Variants in RAPGEF1 observed in about 807,000 individuals in gnomAD.
RAPGEF1 encodes the protein Rap guanine nucleotide exchange factor 1, also known as CRK SH3-binding GNRP.
In RAPGEF1, 33 loss-of-function variants were observed where a neutral mutation model predicts 143.3. That is an observed-to-expected ratio of 0.23 (90% CI 0.17 to 0.31). The LOEUF is 0.31. Among genes scored for constraint, RAPGEF1 ranks in the 10% least tolerant of loss-of-function variants. RAPGEF1 has a pLI of 1.00. For missense variants in RAPGEF1, 1,199 were observed against 1,645.4 expected (o/e 0.73, Z 4.69); for synonymous variants, 629 against 676.5 (o/e 0.93, Z 1.09).
intron 1 of RAPGEF1, among the ~76,000 whole-genome samples, chr9:131,696,570 G>C (rs1025038098): frequency 6.6e-6 from 1 of 152,192 alleles, no homozygotes; most frequent in Non-Finnish European, 1.5e-5. Context: ...TCGGACTTTA[G>C]AATCTATCTC....
chr9:131,628,069 T>A lies in RAPGEF1; in HGVS notation c.1045A>T (p.Arg349Trp). 6.4e-7 allele frequency: 1 copy of A among 1,570,130 alleles called. No individual in the cohort carries two copies. The highest frequency in any genetic ancestry group is 8.6e-7 in the Non-Finnish European group (1 of 1,158,424). The change falls in exon 9 of 27, where the codon AGG (arginine) becomes TGG (tryptophan). Residue 349 changes from arginine to tryptophan, a missense_variant. Arg to Trp is a moderately radical substitution (Grantham distance 101). Transcript: ENST00000683357. This position sits in a 1 kb window ranked among gnomAD's most constrained non-coding sequence, Gnocchi z 5.7. ...GAGTGGCTGCCTCCTGACAGTCGCC[T>A]CTGTGCGTAACAGTCAACATCAAAA... is the stretch of plus-strand genomic sequence containing the variant. Reference protein sequence around the residue: ...QDFDVDCYAQRRLSGGSHSYG... With the variant: ...QDFDVDCYAQWRLSGGSHSYG...
At chr9:131,703,659 A>G (rs1201081600) in intron 1 of RAPGEF1, among the ~76,000 whole-genome samples, 4 of 152,218 alleles carry the variant, frequency 2.6e-5, no homozygotes, top group Non-Finnish European at 5.9e-5. Flanking sequence ...CCAGAGTTCT[A>G]AAGAAATTTT....
chr9:131,618,975 A>T, intron 12 of RAPGEF1, 76 bp downstream of exon 12: 2 of 1,246,130 alleles, frequency 1.6e-6, no homozygotes, highest in Non-Finnish European at 2.1e-6. Context: ...AGCAGAACAC[A>T]TGGCTGAGGC....
At chr9:131,689,706 T>C (rs1041300142) in intron 1 of RAPGEF1, among the ~76,000 whole-genome samples, 1 of 152,144 alleles carries the variant, frequency 6.6e-6, no homozygotes, top group Admixed American at 6.5e-5. Context: ...GCCCAGCTAA[T>C]TTTTGTATTT....
At chr9:131,638,898 T>C (rs1464193978) in intron 4 of RAPGEF1, 107 bp from the exon 5 acceptor site, 1 of 1,195,922 alleles carries the variant, frequency 8.4e-7, no homozygotes, top group Non-Finnish European at 1.2e-6. Context: ...ACTTTCTTTG[T>C]GCAAAATCCA....
At chr9:131,660,337 A>T (rs1012466329) in intron 1 of RAPGEF1, among the ~76,000 whole-genome samples, 2 of 152,216 alleles carry the variant, frequency 1.3e-5, no homozygotes, top group African/African-American at 4.8e-5. Context: ...CTTTTAAAAA[A>T]TTTTCAAACA....
intron 1 of RAPGEF1, among the ~76,000 whole-genome samples, chr9:131,670,224 A>G (rs1219776787): frequency 6.6e-6 from 1 of 152,222 alleles, no homozygotes; most frequent in Non-Finnish European, 1.5e-5. Flanking sequence ...ACAAAGCAGA[A>G]TTCAAGTTCA....
At chr9:131,623,696 G>A (rs970019916) in intron 10 of RAPGEF1, among the ~76,000 whole-genome samples, 1 of 152,212 alleles carries the variant, frequency 6.6e-6, no homozygotes, top group Non-Finnish European at 1.5e-5. Flanking sequence ...GGGACTGTGG[G>A]GATTTCAGGT....
intron 5 of RAPGEF1, among the ~76,000 whole-genome samples, chr9:131,634,434 C>T (rs575359125): frequency 5.3e-4 from 81 of 152,122 alleles, no homozygotes; most frequent in African/African-American, 1.8e-3. Context: ...GATCATAGGT[C>T]GGGCGCGGTG....
chr9:131,581,567 C>T (rs966636465), intron 25 of RAPGEF1, among the ~76,000 whole-genome samples: 2 of 151,574 alleles, frequency 1.3e-5, no homozygotes, highest in African/African-American at 2.4e-5. Flanking sequence ...GGCGTGGTTG[C>T]GCATGCCTGT....
rs937547405 is a variant in RAPGEF1 at position 131,578,281 on chromosome 9, A to G, written c.*1216T>C. The G allele has an allele frequency of 2.0e-5, 3 of 152,414 alleles. No individual in the cohort carries two copies. The highest frequency in any genetic ancestry group is 4.4e-5 in the Non-Finnish European group (3 of 68,190). 9.4% of individuals were successfully genotyped at this position (152,414 alleles called of 1,614,324 possible). On this transcript the variant is annotated 3_prime_UTR_variant, in exon 27 of 27. Coordinates refer to ENST00000683357, the MANE Select transcript of RAPGEF1 (RefSeq NM_001377935.1). ...CTCAGCAGCGAGAATGGTTTTGACG[A>G]GGAGGATGGAAACAGCATCTGCTCT...
At chr9:131,614,062 G>T (rs537467351) in intron 12 of RAPGEF1, among the ~76,000 whole-genome samples, 1 of 152,124 alleles carries the variant, frequency 6.6e-6, no homozygotes, top group Non-Finnish European at 1.5e-5. Context: ...TGGGGACAGC[G>T]GCACAGTCCT....
intron 19 of RAPGEF1, 62 bp from the exon 20 acceptor site, chr9:131,589,048 T>G: frequency 6.6e-7 from 1 of 1,515,532 alleles, no homozygotes. Context: ...GAGTCTGTCT[T>G]TGCCTTGAGA....
chr9:131,582,077 C>T (rs537542533), intron 25 of RAPGEF1, among the ~76,000 whole-genome samples: 31 of 152,330 alleles, frequency 2.0e-4, no homozygotes, highest in African/African-American at 6.5e-4. Flanking sequence ...TATTCCGCTA[C>T]GTCCCTTTTC....
chr9:131,629,817 T>C (rs781315650), intron 6 of RAPGEF1, among the ~76,000 whole-genome samples: 2 of 151,934 alleles, frequency 1.3e-5, no homozygotes, highest in Admixed American at 6.6e-5. Context: ...CAAATTTATG[T>C]TTTATATTTT....
intron 1 of RAPGEF1, among the ~76,000 whole-genome samples, chr9:131,733,674 G>A (rs564575876): frequency 2.0e-5 from 3 of 152,288 alleles, no homozygotes; most frequent in South Asian, 4.1e-4. Context: ...TCCCGGCGGC[G>A]AGGCGGCCGC....
intron 3 of RAPGEF1, among the ~76,000 whole-genome samples, chr9:131,647,253 A>C (rs1469210721): frequency 1.3e-5 from 2 of 152,230 alleles, no homozygotes; most frequent in East Asian, 3.8e-4. Context: ...AAGACAACAG[A>C]ATATAGTGAG....
intron 1 of RAPGEF1, chr9:131,709,845 T>G (rs1835380284): frequency 7.0e-7 from 1 of 1,431,120 alleles, no homozygotes; most frequent in African/African-American, 1.4e-5. Context: ...GGAATCTCAT[T>G]CTCAAGTCTT....
chr9:131,643,017 G>C (rs1214185861), intron 4 of RAPGEF1, among the ~76,000 whole-genome samples: 1 of 152,194 alleles, frequency 6.6e-6, no homozygotes, highest in Non-Finnish European at 1.5e-5. Flanking sequence ...ACATCCCTAG[G>C]GATGGCAGAG....
Sources: allele counts gnomAD v4.1 joint callset (sites outside exome capture counted in the v4.1 genomes callset), GRCh38; gene constraint gnomAD v4.1.1; non-coding constraint Gnocchi (gnomAD v3.1); transcripts MANE v1.5; gene names NCBI Gene and HGNC (gene_info 2026-07-23, HGNC 2026-07-21).